The following FERRY3 variants were observed in gnomAD, a reference collection of about 807,000 sequenced individuals.
FERRY3 encodes protein C12orf4.
At chr12:4,523,884 A>G in the FERRY3 span, among the ~76,000 whole-genome samples, 1 of 152,158 alleles carries the variant, frequency 6.6e-6, no homozygotes, top group African/African-American at 2.4e-5. Flanking sequence ...GGTGCAGCAC[A>G]CCAACATGGT....
the FERRY3 span, among the ~76,000 whole-genome samples, chr12:4,519,801 C>A: frequency 7.2e-5 from 11 of 152,180 alleles, no homozygotes; most frequent in Admixed American, 7.2e-4. The surrounding 1 kb of genome is among the most constrained non-coding windows in gnomAD (Gnocchi z 4.3). Context: ...GTATTGTGAA[C>A]TGCGCATGCA....
the FERRY3 span, among the ~76,000 whole-genome samples, chr12:4,513,572 C>A: frequency 6.6e-6 from 1 of 151,534 alleles, no homozygotes; most frequent in South Asian, 2.1e-4. Flanking sequence ...CAGAACAGAG[C>A]CCTCAGAAAT....
chr12:4,525,605 C>G, the FERRY3 span: 4 of 1,527,782 alleles, frequency 2.6e-6, no homozygotes, highest in Non-Finnish European at 3.6e-6. Flanking sequence ...ATAAACAAAT[C>G]AGGGATATTC....
At chr12:4,493,079 C>T in the FERRY3 span, among the ~76,000 whole-genome samples, 3 of 152,150 alleles carry the variant, frequency 2.0e-5, no homozygotes, top group Non-Finnish European at 4.4e-5. Flanking sequence ...CTTCATTTTT[C>T]AATGTCCAGC....
chr12:4,517,125 T>C, the FERRY3 span: 2 of 1,600,622 alleles, frequency 1.2e-6, no homozygotes, highest in Non-Finnish European at 1.7e-6. Flanking sequence ...GTTGGACAAC[T>C]TCTAATTGCT....
chr12:4,527,973 A>G, the FERRY3 span, among the ~76,000 whole-genome samples: 1 of 152,178 alleles, frequency 6.6e-6, no homozygotes, highest in Non-Finnish European at 1.5e-5. Flanking sequence ...GAACTTCCCA[A>G]AAGATGAAGA....
chr12:4,518,675 T>C, the FERRY3 span: 30 of 769,724 alleles, frequency 3.9e-5, 1 homozygote, highest in South Asian at 5.2e-4. Context: ...CTGGGCAACA[T>C]AGCGAAACCT....
the FERRY3 span, among the ~76,000 whole-genome samples, chr12:4,513,549 T>C: frequency 1.3e-5 from 2 of 151,246 alleles, no homozygotes; most frequent in South Asian, 2.1e-4. Flanking sequence ...AACAGAGATA[T>C]AGATCAATGG....
At chr12:4,532,617 T>C in the FERRY3 span, among the ~76,000 whole-genome samples, 2 of 152,214 alleles carry the variant, frequency 1.3e-5, no homozygotes, top group African/African-American at 4.8e-5. Flanking sequence ...TTCTAGTCTC[T>C]GACTACAACC....
At chr12:4,508,206 G>T in the FERRY3 span, among the ~76,000 whole-genome samples, 2 of 152,136 alleles carry the variant, frequency 1.3e-5, no homozygotes, top group Admixed American at 1.3e-4. Flanking sequence ...TGGGAACAAA[G>T]ACCCTTCAGA....
At chr12:4,505,240 G>GGT in the FERRY3 span, 1 of 965,092 alleles carries the variant, frequency 1.0e-6, no homozygotes. Flanking sequence ...AAATTCCTAT[G>GGT]GTGTGCATTA....
the FERRY3 span, among the ~76,000 whole-genome samples, chr12:4,503,227 G>C: frequency 1.3e-5 from 2 of 152,144 alleles, no homozygotes; most frequent in African/African-American, 4.8e-5. Flanking sequence ...GGGGGCCATG[G>C]GGCTGGCAGT....
At chr12:4,504,228 AG>A in the FERRY3 span, among the ~76,000 whole-genome samples, 11 of 152,356 alleles carry the variant, frequency 7.2e-5, no homozygotes, top group African/African-American at 2.6e-4. Flanking sequence ...TTTCGTGTGT[AG>A]GTTAATGTGA....
the FERRY3 span, among the ~76,000 whole-genome samples, chr12:4,503,252 TATG>T: frequency 6.6e-5 from 10 of 152,222 alleles, no homozygotes; most frequent in Non-Finnish European, 1.5e-4. Flanking sequence ...ATCAAATTAA[TATG>T]ATATAGTAGA....
At chr12:4,496,293 A>G in the FERRY3 span, among the ~76,000 whole-genome samples, 2 of 152,224 alleles carry the variant, frequency 1.3e-5, no homozygotes, top group Non-Finnish European at 2.9e-5. Context: ...GACTTATTCA[A>G]TGTCACCATG....
the FERRY3 span, chr12:4,505,497 C>T: frequency 1.5e-6 from 1 of 684,174 alleles, no homozygotes. Context: ...ATCTATGTGC[C>T]AGGCATTCTG....
the FERRY3 span, among the ~76,000 whole-genome samples, chr12:4,515,429 T>C: frequency 6.6e-6 from 1 of 152,184 alleles, no homozygotes; most frequent in African/African-American, 2.4e-5. Context: ...TGTACACACA[T>C]ACACAAACAG....
chr12:4,498,080 A>C, the FERRY3 span, among the ~76,000 whole-genome samples: 2 of 152,240 alleles, frequency 1.3e-5, no homozygotes, highest in Non-Finnish European at 2.9e-5. Flanking sequence ...TTTGGAAACA[A>C]ACTTAATGTT....
the FERRY3 span, among the ~76,000 whole-genome samples, chr12:4,496,700 A>G: frequency 6.6e-6 from 1 of 152,222 alleles, no homozygotes. Context: ...TCATTAGGGT[A>G]AGGCTGAACT....
Sources: allele counts gnomAD v4.1 joint callset (sites outside exome capture counted in the v4.1 genomes callset), GRCh38; gene constraint gnomAD v4.1.1; non-coding constraint Gnocchi (gnomAD v3.1); transcripts MANE v1.5; gene names NCBI Gene and HGNC (gene_info 2026-07-23, HGNC 2026-07-21).